ST8SIA6: variants seen among roughly 807,000 people sequenced by gnomAD.
ST8SIA6 encodes the protein ST8 alpha-N-acetyl-neuraminide alpha-2,8-sialyltransferase 6.
A neutral mutation model predicts 33.6 loss-of-function variants in ST8SIA6; 39 were observed. That is an observed-to-expected ratio of 1.16 (90% CI 0.90 to 1.52). ST8SIA6 has a LOEUF of 1.52. ST8SIA6 is among the 40% of genes most tolerant of loss of function. The probability of loss-of-function intolerance (pLI) is 0.00; values close to 1 mark genes in which losing one functional copy is unlikely to be tolerated. For synonymous variants in ST8SIA6, 172 were observed against 167.2 expected (o/e 1.03, Z -0.22); for missense variants, 441 against 443.8 (o/e 0.99, Z 0.06).
At chr10:17,340,145 C>G (rs993748732) in intron 4 of ST8SIA6, among the ~76,000 whole-genome samples, 23 of 152,274 alleles carry the variant, frequency 1.5e-4, no homozygotes, top group African/African-American at 5.5e-4. Context: ...TCGATATGTT[C>G]AGTTCTTTGT....
chr10:17,353,530 T>C (rs1379360362), intron 4 of ST8SIA6, among the ~76,000 whole-genome samples: 1 of 152,118 alleles, frequency 6.6e-6, no homozygotes, highest in Non-Finnish European at 1.5e-5. Flanking sequence ...GAAATATCAA[T>C]TAATCTACAA....
chr10:17,412,284 A>G (rs141739169), intron 2 of ST8SIA6, among the ~76,000 whole-genome samples: 59 of 152,138 alleles, frequency 3.9e-4, no homozygotes, highest in African/African-American at 1.3e-3. Flanking sequence ...GCAACTCTAG[A>G]GCCACATCCT....
intron 2 of ST8SIA6, among the ~76,000 whole-genome samples, chr10:17,391,147 C>T (rs967393089): frequency 4.6e-5 from 7 of 152,194 alleles, no homozygotes; most frequent in South Asian, 4.2e-4. Context: ...CGTGAGCCAT[C>T]GTGCCTGGCC....
chr10:17,402,420 C>T (rs1851080411), intron 2 of ST8SIA6, among the ~76,000 whole-genome samples: 1 of 152,170 alleles, frequency 6.6e-6, no homozygotes. Flanking sequence ...CCAGCCATCC[C>T]ATTACTGGGT....
intron 3 of ST8SIA6, among the ~76,000 whole-genome samples, chr10:17,380,493 A>C (rs1000449475): frequency 6.6e-5 from 10 of 152,174 alleles, no homozygotes; most frequent in African/African-American, 2.4e-4. Flanking sequence ...AGGGTCTCTG[A>C]AGTGGGAGGA....
At chr10:17,422,235 A>G (rs1430640460) in intron 2 of ST8SIA6, among the ~76,000 whole-genome samples, 2 of 152,200 alleles carry the variant, frequency 1.3e-5, no homozygotes, top group East Asian at 3.8e-4. Context: ...AAAAGCTTAC[A>G]TTTGAAAGAG....
intron 3 of ST8SIA6, among the ~76,000 whole-genome samples, chr10:17,370,165 A>G (rs1849686796): frequency 6.6e-6 from 1 of 151,830 alleles, no homozygotes; most frequent in Non-Finnish European, 1.5e-5. Flanking sequence ...TTGTATTTTT[A>G]GTAGAGATGG....
intron 2 of ST8SIA6, among the ~76,000 whole-genome samples, chr10:17,437,662 C>CTTCCTTCCTTCCTTCCTTCCTTCT (rs753255469): frequency 2.3e-4 from 25 of 109,246 alleles, no homozygotes; most frequent in African/African-American, 7.4e-4. Context: ...TCCTTCCTTC[C>CTTCCTTCCTTCCTTCCTTCCTTCT]TTCTGTCTCT....
chr10:17,384,633 T>C (rs930287270), intron 3 of ST8SIA6, among the ~76,000 whole-genome samples: 1 of 152,236 alleles, frequency 6.6e-6, no homozygotes, highest in Non-Finnish European at 1.5e-5. Flanking sequence ...TTCAAAATGA[T>C]GTTTTCATTT....
At chr10:17,378,987 G>A (rs781248929) in intron 3 of ST8SIA6, among the ~76,000 whole-genome samples, 4 of 152,026 alleles carry the variant, frequency 2.6e-5, no homozygotes, top group Non-Finnish European at 4.4e-5. Context: ...TTAGCTGGGC[G>A]TGGTGGCAGG....
intron 4 of ST8SIA6, among the ~76,000 whole-genome samples, chr10:17,358,666 AAAG>A (rs1046549427): frequency 1.7e-4 from 12 of 71,942 alleles, no homozygotes; most frequent in South Asian, 1.1e-3. Context: ...GAGGAGGAGG[AAAG>A]AAGAAAGAAG....
chr10:17,320,607 C>G lies in ST8SIA6; in HGVS notation c.*271G>C. 2.4e-6 allele frequency: 1 copy of G among 422,744 alleles called. No homozygotes were observed. Among genetic ancestry groups the G allele is most frequent in the Non-Finnish European group, 4.3e-6 (1 of 235,018 alleles). The allele number at this position is 422,744 out of a possible 1,614,324, so 26.2% of individuals were successfully genotyped here. A position where few individuals can be genotyped will look rare whatever the true frequency, so the allele number is the denominator to read the frequency against. On this transcript the variant is annotated 3_prime_UTR_variant, in exon 8 of 8. Transcript: ENST00000377602. ...TAAGAAAGAAATATTCTTTGAGTCC[C>G]TACCTCACACCAAAGGCCATGCCAA...
At chr10:17,429,388 C>G (rs918153769) in intron 2 of ST8SIA6, among the ~76,000 whole-genome samples, 11 of 150,348 alleles carry the variant, frequency 7.3e-5, no homozygotes, top group African/African-American at 1.2e-4. Context: ...TTCAGCTTTT[C>G]TTTTACTTGC....
chr10:17,428,306 C>T (rs1302974240), intron 2 of ST8SIA6, among the ~76,000 whole-genome samples: 1 of 152,164 alleles, frequency 6.6e-6, no homozygotes, highest in Non-Finnish European at 1.5e-5. Context: ...CCTTAGTTGT[C>T]TTGCTGATGG....
chr10:17,428,901 G>A (rs1284887462), intron 2 of ST8SIA6, among the ~76,000 whole-genome samples: 3 of 152,168 alleles, frequency 2.0e-5, no homozygotes. Flanking sequence ...TGGGGCAGAA[G>A]TCAGTCCATG....
rs972519307 is a variant in ST8SIA6, at chr10:17,387,450, G to T, written c.290+3081C>A. Among the ~76,000 whole-genome samples the T allele has an allele frequency of 7.3e-5, 9 of 123,134 alleles. No homozygotes were observed. In the East Asian group the frequency reaches 1.5e-3, roughly 21 times the overall value. 80.8% of individuals were successfully genotyped at this position (123,134 alleles called of 152,430 possible). ...GTTTTTAGTCGGGGCGGTGGGGCGGGGGGGGGGGGGTTCTCCATGTTGGTC... is the reference window on the plus strand; with the variant it reads ...GTTTTTAGTCGGGGCGGTGGGGCGGTGGGGGGGGGGTTCTCCATGTTGGTC... On this transcript the variant is annotated intron_variant, in intron 3 of 7. Coordinates refer to ENST00000377602, the MANE Select transcript of ST8SIA6 (RefSeq NM_001004470.3).
intron 2 of ST8SIA6, among the ~76,000 whole-genome samples, chr10:17,412,096 T>C (rs1261123545): frequency 6.6e-6 from 1 of 151,958 alleles, no homozygotes; most frequent in African/African-American, 2.4e-5. Flanking sequence ...CTACCCCCAC[T>C]CCAGCTGAAG....
chr10:17,448,342 C>T (rs1852790622), intron 2 of ST8SIA6, among the ~76,000 whole-genome samples: 1 of 152,126 alleles, frequency 6.6e-6, no homozygotes, highest in African/African-American at 2.4e-5. Flanking sequence ...AGAATAACAG[C>T]AGTTGCTGTC....
chr10:17,373,367 A>G (rs1849794275), intron 3 of ST8SIA6, among the ~76,000 whole-genome samples: 1 of 152,196 alleles, frequency 6.6e-6, no homozygotes, highest in Non-Finnish European at 1.5e-5. Flanking sequence ...TAGCACATGC[A>G]TTTGACTCCC....
Sources: gnomAD v4.1 joint callset for allele counts (sites outside exome capture counted in the v4.1 genomes callset) on GRCh38, gnomAD v4.1.1 for gene constraint, MANE v1.5 for transcripts, NCBI Gene and HGNC (gene_info 2026-07-23, HGNC 2026-07-21) for gene names.